The following DPY19L3 variants were observed in gnomAD, a reference collection of about 807,000 sequenced individuals.
DPY19L3 encodes the protein protein C-mannosyl-transferase DPY19L3.
In DPY19L3, 51 loss-of-function variants were observed where a neutral mutation model predicts 92.3. That is an observed-to-expected ratio of 0.55 (90% CI 0.44 to 0.70). The LOEUF (loss-of-function observed/expected upper bound fraction) is 0.70, where lower values mean the gene tolerates loss of function less well. Among genes scored for constraint, DPY19L3 ranks in the 30% least tolerant of loss-of-function variants. DPY19L3 has a pLI of 0.00. For synonymous variants in DPY19L3, 309 were observed against 315.2 expected (o/e 0.98, Z 0.21); for missense variants, 706 against 855.9 (o/e 0.82, Z 2.18).
At chr19:32,449,269 GT>G (rs1568345055) in intron 8 of DPY19L3, among the ~76,000 whole-genome samples, 1 of 152,180 alleles carries the variant, frequency 6.6e-6, no homozygotes, top group African/African-American at 2.4e-5. Context: ...ATTGTTGAAA[GT>G]TTTAAACGCC....
rs1409662170 is a variant in DPY19L3 at position 32,463,484 on chromosome 19, A to G, written c.1441A>G (p.Met481Val). ...ILFGFLALST[M>V]RMKYLWTSHM... is the part of the protein sequence containing the mutation. Reference sequence around the variant, plus strand: ...GTTTGGATTCTTGGCATTGAGTACAATGAGGTATTTTTGTCTTACCTGTTT... The same window carrying G: ...GTTTGGATTCTTGGCATTGAGTACAGTGAGGTATTTTTGTCTTACCTGTTT... Residue 481 changes from methionine to valine, a missense_variant, in exon 13 of 19, where the codon ATG becomes GTG. Physicochemically the swap from Met to Val is conservative, Grantham distance 21. Transcript: ENST00000392250. 3 of 1,612,318 alleles carry G rather than the reference A, an allele frequency of 1.9e-6. No individual in the cohort carries two copies. Among genetic ancestry groups the G allele is most frequent in the African/African-American group, 1.3e-5 (1 of 74,984 alleles).
At chr19:32,471,345 A>G (rs536406188) in intron 16 of DPY19L3, among the ~76,000 whole-genome samples, 24 of 152,266 alleles carry the variant, frequency 1.6e-4, no homozygotes, top group African/African-American at 5.8e-4. Context: ...CAGACAGTCA[A>G]AGCAGACACA....
At chr19:32,452,998 C>A in intron 8 of DPY19L3, 147 bp from the exon 9 acceptor site, 1 of 928,820 alleles carries the variant, frequency 1.1e-6, no homozygotes, top group Non-Finnish European at 1.6e-6. Context: ...TGAGCCACCG[C>A]GCCTGGCCTA....
At position 32,485,756 on chromosome 19, in the gene DPY19L3, G is replaced by A. The variant is rs1382738461; in HGVS notation, c.*3516G>A. The A allele has an allele frequency of 1.3e-5, 2 of 152,212 alleles. No homozygotes were observed. The highest frequency in any genetic ancestry group is 2.4e-5 in the African/African-American group (1 of 41,448). 9.4% of individuals were successfully genotyped at this position (152,212 alleles called of 1,614,324 possible). On this transcript the variant is annotated 3_prime_UTR_variant, in exon 19 of 19. Transcript: ENST00000392250. ...ATGGAAAAAAGCTTTTGAGATGAGA[G>A]GGTGTCTTACTTTCTTGTGGCAATT... is the stretch of plus-strand genomic sequence containing the variant.
chr19:32,442,521 T>TA (rs1231838310), intron 8 of DPY19L3, among the ~76,000 whole-genome samples: 9 of 152,118 alleles, frequency 5.9e-5, no homozygotes, highest in Admixed American at 5.2e-4. Flanking sequence ...ATAACAAACA[T>TA]AAGAGGAATT....
chr19:32,466,412 C>G (rs982221502), intron 15 of DPY19L3, among the ~76,000 whole-genome samples: 1 of 152,226 alleles, frequency 6.6e-6, no homozygotes. Flanking sequence ...CAGGGTTTCT[C>G]AGCAGTGGCA....
At position 32,482,487 on chromosome 19, in the gene DPY19L3, G is replaced by A. The variant is rs574486611; in HGVS notation, c.*247G>A. The A allele has an allele frequency of 1.5e-5, 6 of 413,308 alleles. No individual in the cohort carries two copies. The South Asian group carries it at 2.0e-4, about 14-fold the overall frequency. The allele number at this position is 413,308 out of a possible 1,614,324, so 25.6% of individuals were successfully genotyped here. On this transcript the variant is annotated 3_prime_UTR_variant, in exon 19 of 19. Coordinates refer to ENST00000392250, the MANE Select transcript of DPY19L3 (RefSeq NM_001172774.2). Reference sequence around the variant, plus strand: ...CCTAAATGTTAACAACTTTCTAAGAGTGACCTAGAATTATGTTGTTGGAGA... The same window carrying A: ...CCTAAATGTTAACAACTTTCTAAGAATGACCTAGAATTATGTTGTTGGAGA...
intron 2 of DPY19L3, among the ~76,000 whole-genome samples, chr19:32,411,010 C>T (rs988942226): frequency 1.3e-5 from 2 of 152,166 alleles, no homozygotes; most frequent in Non-Finnish European, 2.9e-5. Flanking sequence ...CTTCAAGAAG[C>T]TCACGTTGTA....
chr19:32,482,124 G>A lies in DPY19L3; in HGVS notation c.2035G>A (p.Asp679Asn). The A allele has an allele frequency of 1.9e-6, 3 of 1,613,816 alleles. No individual in the cohort carries two copies. The South Asian group carries it at 3.3e-5, about 18-fold the overall frequency. The change falls in exon 19 of 19, where the codon GAC becomes AAC. Residue 679 changes from aspartate (D) to asparagine (N), a missense_variant. Coordinates refer to ENST00000392250, the MANE Select transcript of DPY19L3 (RefSeq NM_001172774.2). ...GENDPDLKPA[D>N]HPRFCEEIKR... ...GAATGATCCTGATTTGAAACCTGCA[G>A]ACCACCCTCGCTTCTGTGAAGAGAT...
rs866065593 is a variant in DPY19L3 at position 32,481,937 on chromosome 19, C to G, written c.1990-142C>G. 3.2e-5 allele frequency: 29 copies of G among 916,664 alleles called. 1 individual carries two copies. In the South Asian group the frequency reaches 5.1e-4, roughly 16 times the overall value. 56.8% of individuals were successfully genotyped at this position (916,664 alleles called of 1,614,324 possible). ...GGGAAAAGGATGGCCCTGATGATCT[C>G]CAGGTGCCCATGGACATTGAAATAA... On this transcript the variant is annotated intron_variant, in intron 18 of 18. Coordinates refer to ENST00000392250, the MANE Select transcript of DPY19L3 (RefSeq NM_001172774.2).
intron 8 of DPY19L3, among the ~76,000 whole-genome samples, chr19:32,444,899 A>G (rs527895178): frequency 1.3e-5 from 2 of 151,598 alleles, no homozygotes; most frequent in African/African-American, 2.4e-5. Context: ...CCTGGGCAAC[A>G]TGATGCAACC....
chr19:32,461,475 A>T (rs1291263132), intron 12 of DPY19L3, among the ~76,000 whole-genome samples: 3 of 152,120 alleles, frequency 2.0e-5, no homozygotes, highest in African/African-American at 7.2e-5. Context: ...TGTCTGTTTT[A>T]TTTTTATTTA....
At chr19:32,464,666 T>G in intron 14 of DPY19L3, 62 bp from the exon 15 acceptor site, 1 of 1,071,028 alleles carries the variant, frequency 9.3e-7, no homozygotes, top group Non-Finnish European at 1.3e-6. Flanking sequence ...AGCAAGACCC[T>G]GTCTCTCAAA....
intron 8 of DPY19L3, among the ~76,000 whole-genome samples, chr19:32,449,467 C>A (rs1338358275): frequency 2.6e-5 from 4 of 152,010 alleles, no homozygotes; most frequent in Non-Finnish European, 5.9e-5. Flanking sequence ...ATAGCTACAA[C>A]AATCTTGAAA....
chr19:32,458,837 A>G (rs1407629448), intron 12 of DPY19L3, among the ~76,000 whole-genome samples: 1 of 152,222 alleles, frequency 6.6e-6, no homozygotes, highest in Non-Finnish European at 1.5e-5. Context: ...AGGATATTTG[A>G]GAAATAAGTA....
Position 32,417,878 on chromosome 19 carries a change from G to T in DPY19L3, c.237+6506G>T, listed in dbSNP as rs531806463. Among the ~76,000 whole-genome samples, 6 of 152,286 alleles carry T rather than the reference G, an allele frequency of 3.9e-5. No homozygotes were observed. The South Asian group carries it at 1.0e-3, about 26-fold the overall frequency. ...ACAGAGGTCAGCCAAATTCTTTCTT[G>T]CACAGGAGGAAAGGCAGGGAACAAT... On this transcript the variant is annotated intron_variant, in intron 3 of 18. Coordinates refer to ENST00000392250, the MANE Select transcript of DPY19L3 (RefSeq NM_001172774.2).
intron 3 of DPY19L3, among the ~76,000 whole-genome samples, chr19:32,424,757 A>G (rs886627156): frequency 4.6e-5 from 7 of 152,372 alleles, no homozygotes; most frequent in Admixed American, 2.0e-4. Flanking sequence ...TGGAAACTCA[A>G]GGGACTCAGA....
intron 8 of DPY19L3, among the ~76,000 whole-genome samples, 187 bp from the exon 9 acceptor site, chr19:32,452,958 C>T (rs902097355): frequency 6.6e-6 from 1 of 152,010 alleles, no homozygotes; most frequent in South Asian, 2.1e-4. Flanking sequence ...CCACCCGCCT[C>T]GGCCTCCCAG....
chr19:32,457,825 A>T (rs1430979015), intron 10 of DPY19L3, among the ~76,000 whole-genome samples: 1 of 152,234 alleles, frequency 6.6e-6, no homozygotes, highest in Non-Finnish European at 1.5e-5. Flanking sequence ...AAACCAAAAA[A>T]TCTCATCTTT....
Sources: allele counts gnomAD v4.1 joint callset (sites outside exome capture counted in the v4.1 genomes callset), GRCh38; gene constraint gnomAD v4.1.1; transcripts MANE v1.5; gene names NCBI Gene and HGNC (gene_info 2026-07-23, HGNC 2026-07-21).